Variants in RNF145 observed in about 807,000 individuals in gnomAD.
RNF145 encodes ring finger protein 145.
A neutral mutation model predicts 57.3 loss-of-function variants in RNF145; 12 were observed. That is an observed-to-expected ratio of 0.21 (90% CI 0.13 to 0.34). The LOEUF is 0.34. Among genes scored for constraint, RNF145 ranks in the 10% least tolerant of loss-of-function variants. The pLI, the probability that RNF145 is intolerant of heterozygous loss-of-function variation, is 1.00. For missense variants in RNF145, 429 were observed against 799.0 expected, an observed-to-expected ratio of 0.54 and a Z score of 5.58; for synonymous variants, 262 against 288.3, an observed-to-expected ratio of 0.91 and a Z score of 0.92.
At chr5:159,172,515 C>T (rs1219325609) in intron 6 of RNF145, among the ~76,000 whole-genome samples, 1 of 151,750 alleles carries the variant, frequency 6.6e-6, no homozygotes, top group Non-Finnish European at 1.5e-5. Context: ...CTCCATAATA[C>T]TTATATCAAA....
chr5:159,209,182 G>T, intron 1 of RNF145, 49 bp downstream of exon 1: 1 of 872,294 alleles, frequency 1.1e-6, no homozygotes, highest in Non-Finnish European at 1.4e-6. Context: ...CGTGGGAAGC[G>T]GCCGGGGGGC....
chr5:159,175,383 C>G (rs1360576607), intron 5 of RNF145, among the ~76,000 whole-genome samples: 4 of 152,068 alleles, frequency 2.6e-5, no homozygotes, highest in African/African-American at 9.7e-5. Flanking sequence ...TTTCCAACAA[C>G]TACATCTAGT....
At chr5:159,187,538 A>G (rs113345663) in intron 3 of RNF145, among the ~76,000 whole-genome samples, 20,875 of 151,928 alleles carry the variant, frequency 0.14, 1,780 homozygotes, top group Non-Finnish European at 0.2. Flanking sequence ...TATGTTGGCC[A>G]GGCTGGTCTC....
At chr5:159,194,949 TACTTACCAAA>T (rs1785405144) in intron 2 of RNF145, 125 bp from the exon 3 acceptor site, 1 of 630,056 alleles carries the variant, frequency 1.6e-6, no homozygotes, top group Non-Finnish European at 2.7e-6. Context: ...TTTTTTATTA[TACTTACCAAA>T]GTAAGTTTAG....
intron 1 of RNF145, among the ~76,000 whole-genome samples, chr5:159,206,444 G>T (rs1025972916): frequency 6.6e-6 from 1 of 152,038 alleles, no homozygotes; most frequent in Non-Finnish European, 1.5e-5. Context: ...ATACAAATAG[G>T]TACTTTACAC....
rs1786028925 is a variant in RNF145 at position 159,209,497 on chromosome 5, G to GT, written c.-307_-306insA. 2.7e-5 allele frequency: 25 copies of GT among 925,252 alleles called. No individual in the cohort carries two copies. Among genetic ancestry groups the GT allele is most frequent in the Non-Finnish European group, 2.7e-5 (22 of 807,270 alleles). 57.3% of individuals were successfully genotyped at this position (925,252 alleles called of 1,614,324 possible). A position where few individuals can be genotyped will look rare whatever the true frequency, so the allele number is the denominator to read the frequency against. ...CGGGCCGAGCCCCTTAGCAGCCGGC[G>GT]CCGGCGTCGGCGGCCATGGCCTCCT... On this transcript the variant is annotated 5_prime_UTR_variant, in exon 1 of 11. An upstream open reading frame in the 5' UTR loses its in-frame stop. Transcript: ENST00000424310.
In RNF145 at chr5:159,182,019, T is replaced by C. The variant is rs200613654; in HGVS notation, c.326A>G (p.Tyr109Cys). 37 of 1,609,622 alleles carry C rather than the reference T, an allele frequency of 2.3e-5. No individual in the cohort carries two copies. Among genetic ancestry groups the C allele is most frequent in the Non-Finnish European group, 2.8e-5 (33 of 1,176,368 alleles). Reference sequence around the variant, plus strand: ...AGGTTCTAAATACATTGGTCCCTCATAGGCAAACTCCAGTTCACTCCGAAC... The same window carrying C: ...AGGTTCTAAATACATTGGTCCCTCACAGGCAAACTCCAGTTCACTCCGAAC... ...DYVRSELEFA[Y>C]EGPMYLEPLS... Residue 109 changes from tyrosine (Y) to cysteine (C), a missense_variant, in exon 4 of 11, where the codon TAT becomes TGT. Physicochemically the swap from Tyr to Cys is radical, Grantham distance 194 (BLOSUM62 -2). Coordinates refer to ENST00000424310, the MANE Select transcript of RNF145 (RefSeq NM_001199383.2).
chr5:159,209,208 G>A (rs1222005711), intron 1 of RNF145, 23 bp downstream of exon 1: 1 of 975,378 alleles, frequency 1.0e-6, no homozygotes, highest in African/African-American at 1.8e-5. Context: ...GATGGGAAGG[G>A]GCCGGGCGGG....
chr5:159,199,420 G>A (rs1785586883), intron 2 of RNF145, among the ~76,000 whole-genome samples: 1 of 151,900 alleles, frequency 6.6e-6, no homozygotes, highest in South Asian at 2.1e-4. Flanking sequence ...CAAGAAAGAG[G>A]AAGTGGTAAA....
At chr5:159,185,435 T>C (rs1193573849) in intron 3 of RNF145, among the ~76,000 whole-genome samples, 1 of 152,202 alleles carries the variant, frequency 6.6e-6, no homozygotes, top group East Asian at 1.9e-4. Flanking sequence ...ATATCTTACT[T>C]ATGCACAAAT....
Position 159,169,711 on chromosome 5 carries a change from A to G in RNF145, c.906T>C (p.Tyr302=), listed in dbSNP as rs1388971356. The change falls in exon 7 of 11, where the codon TAT becomes TAC. Residue 302 remains tyrosine (Y), a synonymous_variant. Transcript: ENST00000424310. ...TGGCAGGATCATTCATGAAAGCTCG[A>G]TAACCCTGCAAGTAAAACTTGCAGA... is the stretch of plus-strand genomic sequence containing the variant. ...LTLCKFYLQG[Y]RAFMNDPAMN... 1.2e-6 allele frequency: 2 copies of G among 1,611,690 alleles called. No homozygotes were observed. The highest frequency in any genetic ancestry group is 2.7e-5 in the African/African-American group (2 of 74,776).
chr5:159,158,735 C>G lies in RNF145; in HGVS notation c.1927G>C (p.Ala643Pro). Reference sequence around the variant, plus strand: ...TGAGGATATTCTTTGGGGTCAAAAGCCCCTTCCTGGTTATCTGGTCGTCTG... The same window carrying G: ...TGAGGATATTCTTTGGGGTCAAAAGGCCCTTCCTGGTTATCTGGTCGTCTG... Reference protein sequence around the residue: ...IARRPDNQEGAFDPKEYPHSA... With the variant: ...IARRPDNQEGPFDPKEYPHSA... The change falls in exon 11 of 11, where the codon GCT (alanine) becomes CCT (proline). Residue 643 changes from alanine (A) to proline (P), a missense_variant. Coordinates refer to ENST00000424310, the MANE Select transcript of RNF145 (RefSeq NM_001199383.2). The G allele has an allele frequency of 6.2e-7, 1 of 1,613,980 alleles. No individual in the cohort carries two copies. The highest frequency in any genetic ancestry group is 8.5e-7 in the Non-Finnish European group (1 of 1,179,866).
In RNF145 at chr5:159,203,657, C is replaced by A; in HGVS notation, c.-39-1G>T. The A allele has an allele frequency of 6.4e-7, 1 of 1,569,796 alleles. No individual in the cohort carries two copies. The highest frequency in any genetic ancestry group is 8.6e-7 in the Non-Finnish European group (1 of 1,159,372). On this transcript the variant is annotated splice_acceptor_variant, in intron 1 of 10. Transcript: ENST00000424310. LOFTEE classifies it low-confidence loss of function (5UTR_SPLICE). ...TCTTTTTTTTTTTCTTGGAGAAGAC[C>A]TAAAATTCAGAAGACACAATATATA...
intron 3 of RNF145, among the ~76,000 whole-genome samples, chr5:159,184,944 G>C (rs560685929): frequency 5.9e-5 from 9 of 152,122 alleles, no homozygotes; most frequent in African/African-American, 1.9e-4. Flanking sequence ...CAACCTTTAG[G>C]CCACAATGAC....
intron 9 of RNF145, 143 bp from the exon 10 acceptor site, chr5:159,161,765 G>T: frequency 5.8e-5 from 29 of 503,326 alleles, no homozygotes; most frequent in Admixed American, 1.2e-4. Context: ...GGAAAAAAAA[G>T]TTTTAATAAA....
At chr5:159,203,787 C>A in intron 1 of RNF145, 131 bp from the exon 2 acceptor site, 1 of 615,268 alleles carries the variant, frequency 1.6e-6, no homozygotes, top group Non-Finnish European at 2.8e-6. Flanking sequence ...ACTTCTCAGC[C>A]ACAACTACTA....
chr5:159,170,564 T>C (rs998626794), intron 6 of RNF145, among the ~76,000 whole-genome samples: 5 of 152,200 alleles, frequency 3.3e-5, no homozygotes, highest in Non-Finnish European at 7.3e-5. Flanking sequence ...TGTACTGAGA[T>C]AGATTTAGCA....
At chr5:159,195,979 T>C (rs907117430) in intron 2 of RNF145, among the ~76,000 whole-genome samples, 1 of 152,188 alleles carries the variant, frequency 6.6e-6, no homozygotes, top group African/African-American at 2.4e-5. Context: ...TTTTCTCTCT[T>C]ATCGTCAAGT....
chr5:159,188,464 C>T (rs1169593270), intron 3 of RNF145, among the ~76,000 whole-genome samples: 1 of 151,800 alleles, frequency 6.6e-6, no homozygotes, highest in African/African-American at 2.4e-5. Flanking sequence ...TGTGACCACA[C>T]CCTCACAGGA....
Sources: allele counts gnomAD v4.1 joint callset (sites outside exome capture counted in the v4.1 genomes callset), GRCh38; gene constraint gnomAD v4.1.1; transcripts MANE v1.5; gene names NCBI Gene and HGNC (gene_info 2026-07-23, HGNC 2026-07-21).